GALNTL6: variants seen among roughly 807,000 people sequenced by gnomAD.
GALNTL6 encodes polypeptide N-acetylgalactosaminyltransferase like 6.
A neutral mutation model predicts 73.7 loss-of-function variants in GALNTL6; 46 were observed. The ratio of observed to expected loss-of-function variants is 0.62; its 90% CI spans 0.49 to 0.80. The LOEUF is 0.80. Among genes scored for constraint, GALNTL6 ranks in the 30% least tolerant of loss-of-function variants. GALNTL6 has a pLI of 0.00. For synonymous variants in GALNTL6, 259 were observed against 263.7 expected, an observed-to-expected ratio of 0.98 and a Z score of 0.17; for missense variants, 604 against 755.0, an observed-to-expected ratio of 0.80 and a Z score of 2.34.
At chr4:172,357,027 C>T (rs945777863) in intron 5 of GALNTL6, among the ~76,000 whole-genome samples, 2 of 152,004 alleles carry the variant, frequency 1.3e-5, no homozygotes, top group African/African-American at 4.8e-5. Flanking sequence ...CAGAAACCAT[C>T]ATTTCACTAT....
chr4:172,451,987 A>T (rs1732230804), intron 5 of GALNTL6, among the ~76,000 whole-genome samples: 1 of 152,166 alleles, frequency 6.6e-6, no homozygotes, highest in Non-Finnish European at 1.5e-5. Flanking sequence ...CTCCAGCCTG[A>T]GTGACAGAGT....
chr4:171,983,639 G>A (rs1739982421), intron 2 of GALNTL6, among the ~76,000 whole-genome samples: 1 of 152,024 alleles, frequency 6.6e-6, no homozygotes, highest in Non-Finnish European at 1.5e-5. Flanking sequence ...TTACAAGTGT[G>A]AGCTTCCATG....
intron 7 of GALNTL6, among the ~76,000 whole-genome samples, chr4:172,873,689 CA>C (rs981174293): frequency 1.3e-5 from 2 of 152,186 alleles, no homozygotes; most frequent in African/African-American, 4.8e-5. Context: ...TGCTTTTTTC[CA>C]GACTTTTGAT....
At chr4:172,037,380 A>G (rs879901675) in intron 2 of GALNTL6, among the ~76,000 whole-genome samples, 1 of 152,142 alleles carries the variant, frequency 6.6e-6, no homozygotes, top group Non-Finnish European at 1.5e-5. Context: ...CTCATTCTCC[A>G]TAGCATCTAT....
intron 8 of GALNTL6, among the ~76,000 whole-genome samples, chr4:172,886,965 T>TA (rs1745755033): frequency 6.6e-6 from 1 of 152,150 alleles, no homozygotes; most frequent in South Asian, 2.1e-4. Flanking sequence ...AGGTAGTTCT[T>TA]TAGCCATTGA....
intron 2 of GALNTL6, among the ~76,000 whole-genome samples, chr4:172,093,237 C>T (rs538130293): frequency 2.6e-5 from 4 of 152,204 alleles, no homozygotes; most frequent in South Asian, 2.1e-4. Flanking sequence ...TGACTACACA[C>T]GATAAGATTT....
chr4:172,289,194 A>G (rs907791731), intron 3 of GALNTL6, among the ~76,000 whole-genome samples: 3 of 152,344 alleles, frequency 2.0e-5, no homozygotes, highest in Admixed American at 2.0e-4. Flanking sequence ...TTAATTGTAA[A>G]GAAGTAAAGT....
At chr4:172,238,905 A>C (rs1737327821) in intron 3 of GALNTL6, among the ~76,000 whole-genome samples, 1 of 152,154 alleles carries the variant, frequency 6.6e-6, no homozygotes, top group Non-Finnish European at 1.5e-5. Flanking sequence ...AATCACATTT[A>C]TTGATTTGCA....
At chr4:171,853,454 G>T in intron 2 of GALNTL6, among the ~76,000 whole-genome samples, 3 of 146,860 alleles carry the variant, frequency 2.0e-5, no homozygotes, top group African/African-American at 5.0e-5. Flanking sequence ...CTTTTACTAT[G>T]TGTTCATTCT....
At chr4:172,852,583 A>T (rs1179585526) in intron 7 of GALNTL6, among the ~76,000 whole-genome samples, 3 of 152,168 alleles carry the variant, frequency 2.0e-5, no homozygotes, top group Non-Finnish European at 4.4e-5. Context: ...GTTTACCTAG[A>T]GTATATGTTT....
intron 2 of GALNTL6, among the ~76,000 whole-genome samples, chr4:172,075,855 T>G (rs561362933): frequency 5.8e-4 from 89 of 152,140 alleles, no homozygotes; most frequent in African/African-American, 2.1e-3. Context: ...ACTGAGCAAG[T>G]TAATTATCCC....
intron 12 of GALNTL6, among the ~76,000 whole-genome samples, chr4:173,032,234 G>A (rs1051640381): frequency 3.8e-4 from 58 of 152,206 alleles, no homozygotes; most frequent in African/African-American, 1.3e-3. Context: ...TGGATCACGA[G>A]GTCAGGAGAT....
At chr4:172,243,934 A>G (rs548305895) in intron 3 of GALNTL6, among the ~76,000 whole-genome samples, 4 of 152,266 alleles carry the variant, frequency 2.6e-5, no homozygotes, top group African/African-American at 9.6e-5. Flanking sequence ...TATGGCTACA[A>G]TGGGTTTCTG....
chr4:171,911,106 T>G (rs978326664), intron 2 of GALNTL6, among the ~76,000 whole-genome samples: 3 of 152,226 alleles, frequency 2.0e-5, no homozygotes, highest in Admixed American at 2.0e-4. Context: ...AAAATGCTGT[T>G]GGTCCTGAGA....
At chr4:172,549,587 TA>T (rs1053043559) in intron 5 of GALNTL6, among the ~76,000 whole-genome samples, 20 of 152,206 alleles carry the variant, frequency 1.3e-4, no homozygotes, top group African/African-American at 4.8e-4. Context: ...TTCCTCTACC[TA>T]CCACAATGCA....
At chr4:172,044,473 A>G (rs959882461) in intron 2 of GALNTL6, among the ~76,000 whole-genome samples, 54 of 152,046 alleles carry the variant, frequency 3.6e-4, no homozygotes, top group African/African-American at 1.2e-3. Flanking sequence ...GAGAATGTCA[A>G]TTTTATCTTC....
intron 4 of GALNTL6, among the ~76,000 whole-genome samples, chr4:172,336,097 C>T (rs1216109374): frequency 6.6e-6 from 1 of 151,968 alleles, no homozygotes; most frequent in Non-Finnish European, 1.5e-5. Context: ...TATGAACTTT[C>T]GTCTTAACAC....
At chr4:172,317,922 C>T (rs921073261) in intron 4 of GALNTL6, among the ~76,000 whole-genome samples, 1 of 152,138 alleles carries the variant, frequency 6.6e-6, no homozygotes, top group Non-Finnish European at 1.5e-5. Context: ...AATGACTGTT[C>T]ATGCACTCCA....
At chr4:172,553,275 T>A (rs1736030274) in intron 5 of GALNTL6, among the ~76,000 whole-genome samples, 1 of 152,176 alleles carries the variant, frequency 6.6e-6, no homozygotes, top group South Asian at 2.1e-4. Context: ...CTTCTTCAAA[T>A]TGACTTGAAC....
Sources: allele counts gnomAD v4.1 joint callset (sites outside exome capture counted in the v4.1 genomes callset), GRCh38; gene constraint gnomAD v4.1.1; transcripts MANE v1.5; gene names NCBI Gene and HGNC (gene_info 2026-07-23, HGNC 2026-07-21).